The following VPS13D variants were observed in gnomAD, a reference collection of about 807,000 sequenced individuals.
VPS13D encodes the protein intermembrane lipid transfer protein VPS13D.
In VPS13D, 187 loss-of-function variants were observed where a neutral mutation model predicts 461.9. The ratio of observed to expected loss-of-function variants is 0.40; its 90% CI spans 0.36 to 0.46. VPS13D has a LOEUF of 0.46. VPS13D is among the 20% of genes least tolerant of loss of function. The pLI, the probability that VPS13D is intolerant of heterozygous loss-of-function variation, is 0.60. For synonymous variants in VPS13D, 1,951 were observed against 1,986.3 expected (o/e 0.98, Z 0.47); for missense variants, 4,711 against 5,364.9 (o/e 0.88, Z 3.81).
Position 12,270,426 on chromosome 1 carries a change from A to G in VPS13D, c.1973-568A>G, listed in dbSNP as rs548073789. 1.7e-3 allele frequency among the ~76,000 whole-genome samples: 261 copies of G among 152,236 alleles called. 1 individual carries two copies. Among genetic ancestry groups the G allele is most frequent in the Non-Finnish European group, 3.1e-3 (211 of 68,000 alleles). On this transcript the variant is annotated intron_variant, in intron 16 of 69. Coordinates refer to ENST00000620676, the MANE Select transcript of VPS13D (RefSeq NM_015378.4). ...AGATCATGCCACTGCACTCCAGCCT[A>G]GGAGACAGAGCGGGACTTTGTCTTA...
intron 54 of VPS13D, among the ~76,000 whole-genome samples, chr1:12,373,095 GTTTTT>G (rs571503565): frequency 3.0e-4 from 11 of 37,236 alleles, no homozygotes; most frequent in East Asian, 2.8e-3. Flanking sequence ...GTCTGGCTTG[GTTTTT>G]TTTTTTTTTT....
At chr1:12,464,352 G>A (rs1238219496) in intron 67 of VPS13D, among the ~76,000 whole-genome samples, 2 of 152,154 alleles carry the variant, frequency 1.3e-5, no homozygotes, top group Non-Finnish European at 2.9e-5. Flanking sequence ...GCCTGCAATT[G>A]GAATGAGACT....
At chr1:12,311,949 T>C (rs1273610794) in intron 29 of VPS13D, 24 bp downstream of exon 29, 4 of 1,573,426 alleles carry the variant, frequency 2.5e-6, no homozygotes, top group Middle Eastern at 1.7e-4. Context: ...TATATTATTA[T>C]ACTGTTAGTA....
intron 65 of VPS13D, among the ~76,000 whole-genome samples, chr1:12,436,826 G>A (rs1452466764): frequency 1.3e-5 from 2 of 151,958 alleles, no homozygotes; most frequent in Admixed American, 6.6e-5. Flanking sequence ...GCACCGCCAC[G>A]CCTGGCTAAT....
intron 2 of VPS13D, among the ~76,000 whole-genome samples, chr1:12,235,131 T>C (rs11121891): frequency 0.13 from 19,819 of 152,190 alleles, 1,454 homozygotes; most frequent in Middle Eastern, 0.18. Flanking sequence ...TGTAAAATCA[T>C]AGGAAATGGG....
Position 12,276,794 on chromosome 1 carries a change from A to T in VPS13D, c.3206A>T (p.Asp1069Val), listed in dbSNP as rs1390993449. Residue 1069 changes from aspartate to valine, a missense_variant, in exon 19 of 70, where the codon GAC (aspartate) becomes GTC (valine). By Grantham distance (152) the Asp-to-Val change is radical. This residue lies in a region of VPS13D where 4,411 missense variants were observed against 4,937.8 expected (regional missense o/e 0.89). Transcript: ENST00000620676. This position sits in a 1 kb window ranked among gnomAD's most constrained non-coding sequence, Gnocchi z 4.5. Reference sequence around the variant, plus strand: ...CGATCAGCTACTAGTGTTTCACTTGACAAAATTCTTACCAAAGAGCAAGAG... The same window carrying T: ...CGATCAGCTACTAGTGTTTCACTTGTCAAAATTCTTACCAAAGAGCAAGAG... ...NDRSATSVSL[D>V]KILTKEQESL... 2 of 1,614,208 alleles carry T rather than the reference A, an allele frequency of 1.2e-6. No individual in the cohort carries two copies. The highest frequency in any genetic ancestry group is 1.7e-6 in the Non-Finnish European group (2 of 1,180,036).
At position 12,334,802 on chromosome 1, in the gene VPS13D, T is replaced by C. The variant is rs180798644; in HGVS notation, c.8429-903T>C. ...CAAACAAAAAATCTTCCAAAAGGCA[T>C]TCTCGTCAGTGGTAAAATTTGTTTT... On this transcript the variant is annotated intron_variant, in intron 38 of 69. Coordinates refer to ENST00000620676, the MANE Select transcript of VPS13D (RefSeq NM_015378.4). Among the ~76,000 whole-genome samples, 162 of 152,138 alleles carry C rather than the reference T, an allele frequency of 1.1e-3. 3 individuals are homozygous for C. The highest frequency in any genetic ancestry group is 3.8e-3 in the African/African-American group (156 of 41,486).
intron 65 of VPS13D, among the ~76,000 whole-genome samples, chr1:12,446,044 TTAGAAACA>T (rs1445089434): frequency 3.3e-5 from 5 of 152,236 alleles, no homozygotes; most frequent in Non-Finnish European, 4.4e-5. Flanking sequence ...AAGTTAGTTG[TTAGAAACA>T]ATAGCTTAGT....
At position 12,283,629 on chromosome 1, in the gene VPS13D, G is replaced by T. The variant is rs149109225; in HGVS notation, c.5527G>T (p.Ala1843Ser). ...AATCGGCTCCACTGCAGACAACCAC[G>T]CAATGAGGCTGCCTCCTGAGGGCAT... is the stretch of plus-strand genomic sequence containing the variant. ...FGIGSTADNH[A>S]MRLPPEGILH... The change falls in exon 21 of 70, where the codon GCA becomes TCA. Residue 1843 changes from alanine to serine, a missense_variant. This residue lies in a region of VPS13D where 4,411 missense variants were observed against 4,937.8 expected (regional missense o/e 0.89). Transcript: ENST00000620676. 2.5e-6 allele frequency: 4 copies of T among 1,614,082 alleles called. No individual in the cohort carries two copies. The highest frequency in any genetic ancestry group is 2.5e-6 in the Non-Finnish European group (3 of 1,180,026).
At chr1:12,253,495 C>T (rs1640809278) in intron 6 of VPS13D, among the ~76,000 whole-genome samples, 1 of 152,166 alleles carries the variant, frequency 6.6e-6, no homozygotes, top group Non-Finnish European at 1.5e-5. Context: ...ATAGATTCTT[C>T]TTCTGCTTCC....
intron 50 of VPS13D, among the ~76,000 whole-genome samples, chr1:12,361,679 G>A (rs937151281): frequency 1.4e-4 from 22 of 152,084 alleles, no homozygotes; most frequent in African/African-American, 5.3e-4. Context: ...ACAGGCGTGA[G>A]CCACCACGCC....
intron 1 of VPS13D, among the ~76,000 whole-genome samples, 178 bp from the exon 2 acceptor site, chr1:12,234,013 A>C (rs1271566713): frequency 4.6e-5 from 7 of 152,184 alleles, no homozygotes; most frequent in African/African-American, 1.7e-4. Flanking sequence ...GTGCCACTGC[A>C]CCCCAGCCTG....
At chr1:12,508,815 G>A in intron 69 of VPS13D, 78 bp from the exon 70 acceptor site, 1 of 1,524,608 alleles carries the variant, frequency 6.6e-7, no homozygotes. Flanking sequence ...GCTGGGCTGG[G>A]AGCCGCCACC....
intron 63 of VPS13D, 49 bp from the exon 64 acceptor site, chr1:12,415,038 A>T: frequency 6.2e-7 from 1 of 1,601,552 alleles, no homozygotes; most frequent in Non-Finnish European, 8.5e-7. Flanking sequence ...AGTATCACAG[A>T]AGGCCATCAT....
chr1:12,349,175 C>T lies in VPS13D; in HGVS notation c.9232C>T (p.Leu3078Phe). 1.2e-6 allele frequency: 2 copies of T among 1,613,666 alleles called. No homozygotes were observed. Among genetic ancestry groups the T allele is most frequent in the Non-Finnish European group, 8.5e-7 (1 of 1,180,044 alleles). Residue 3078 changes from leucine to phenylalanine, a missense_variant, in exon 46 of 70, where the codon CTT becomes TTT. Physicochemically the swap from Leu to Phe is conservative, Grantham distance 22. Transcript: ENST00000620676. ...SPSAPDKPVV[L>F]PAIMPGDSFA... ...TATTTCTGTGGCAGAGCCAGTGGTG[C>T]TTCCTGCTATCATGCCAGGGGATTC...
At chr1:12,339,136 T>C (rs1411266319) in intron 40 of VPS13D, among the ~76,000 whole-genome samples, 1 of 152,004 alleles carries the variant, frequency 6.6e-6, no homozygotes, top group East Asian at 1.9e-4. Flanking sequence ...AGGGTGGATG[T>C]TTGAGGGAGG....
intron 44 of VPS13D, 53 bp downstream of exon 44, chr1:12,346,705 C>A: frequency 6.7e-7 from 1 of 1,493,780 alleles, no homozygotes; most frequent in Non-Finnish European, 9.2e-7. Flanking sequence ...TACACTGCAC[C>A]TGAATCATGT....
intron 44 of VPS13D, 86 bp from the exon 45 acceptor site, chr1:12,348,737 T>C: frequency 2.0e-6 from 3 of 1,508,060 alleles, no homozygotes; most frequent in Non-Finnish European, 1.8e-6. Context: ...TAAGACACTT[T>C]TAAGGTAGAC....
intron 32 of VPS13D, among the ~76,000 whole-genome samples, chr1:12,320,393 A>G (rs760536111): frequency 6.6e-6 from 1 of 152,112 alleles, no homozygotes; most frequent in African/African-American, 2.4e-5. Flanking sequence ...CTGTTAGGAT[A>G]TTTGGTCGGG....
Sources: gnomAD v4.1 joint callset for allele counts (sites outside exome capture counted in the v4.1 genomes callset) on GRCh38, gnomAD v4.1.1 for gene constraint, gnomAD v4.1.1 regional missense constraint, Gnocchi (gnomAD v3.1) non-coding constraint, MANE v1.5 for transcripts, NCBI Gene and HGNC (gene_info 2026-07-23, HGNC 2026-07-21) for gene names.